PID1: variants seen among roughly 807,000 people sequenced by gnomAD.
PID1 encodes PTB-containing, cubilin and LRP1-interacting protein.
PID1 carries 10 observed loss-of-function variants against 19.1 expected under a neutral mutation model. The ratio of observed to expected loss-of-function variants is 0.52; its 90% CI spans 0.32 to 0.89. The LOEUF is 0.89. PID1 is among the 40% of genes least tolerant of loss of function. The pLI is 0.03. For missense variants in PID1, 248 were observed against 285.3 expected, an observed-to-expected ratio of 0.87 and a Z score of 0.94; for synonymous variants, 130 against 116.0, an observed-to-expected ratio of 1.12 and a Z score of -0.78.
At chr2:229,127,048 G>A (rs1468889002) in intron 2 of PID1, among the ~76,000 whole-genome samples, 2 of 152,162 alleles carry the variant, frequency 1.3e-5, no homozygotes, top group African/African-American at 2.4e-5. Flanking sequence ...GAGAATAAAA[G>A]GCCATCAGCA....
At chr2:229,220,207 CA>C in intron 1 of PID1, among the ~76,000 whole-genome samples, 1 of 152,094 alleles carries the variant, frequency 6.6e-6, no homozygotes, top group African/African-American at 2.4e-5. Flanking sequence ...TTTGTATAGA[CA>C]GAGTCTTACT....
chr2:229,153,950 T>A (rs1690312205), intron 2 of PID1, among the ~76,000 whole-genome samples: 1 of 152,196 alleles, frequency 6.6e-6, no homozygotes, highest in African/African-American at 2.4e-5. Flanking sequence ...ATAGCATTAA[T>A]AAATCTCCTG....
chr2:229,070,599 G>A (rs1694431729), intron 2 of PID1, among the ~76,000 whole-genome samples: 1 of 152,172 alleles, frequency 6.6e-6, no homozygotes, highest in African/African-American at 2.4e-5. Context: ...CGGTTCCAAT[G>A]TTGAGAATGA....
chr2:229,218,818 G>A (rs1260305352), intron 1 of PID1, among the ~76,000 whole-genome samples: 1 of 152,096 alleles, frequency 6.6e-6, no homozygotes, highest in Admixed American at 6.5e-5. Flanking sequence ...AGGGATGCAG[G>A]CAAACAAGCC....
intron 2 of PID1, among the ~76,000 whole-genome samples, chr2:229,148,984 ACT>A (rs1243407830): frequency 4.6e-5 from 7 of 151,128 alleles, no homozygotes; most frequent in African/African-American, 1.7e-4. Flanking sequence ...AATATCAATG[ACT>A]CTGAATTTAG....
intron 2 of PID1, among the ~76,000 whole-genome samples, chr2:229,086,814 G>A (rs1350732856): frequency 6.6e-6 from 1 of 152,096 alleles, no homozygotes; most frequent in African/African-American, 2.4e-5. Context: ...CAGCAATGCC[G>A]TCTTTCAGTA....
intron 2 of PID1, among the ~76,000 whole-genome samples, chr2:229,058,789 C>CTGATTGTAAGGACA (rs1170344507): frequency 6.7e-6 from 1 of 149,274 alleles, no homozygotes; most frequent in Non-Finnish European, 1.5e-5. Flanking sequence ...TTCCCTACCA[C>CTGATTGTAAGGACA]TGATTGTAAC....
chr2:229,157,193 G>A (rs1690390588), intron 1 of PID1, among the ~76,000 whole-genome samples: 1 of 152,146 alleles, frequency 6.6e-6, no homozygotes, highest in South Asian at 2.1e-4. Flanking sequence ...AAAGTGGGAG[G>A]CCAAGGAAAG....
intron 2 of PID1, among the ~76,000 whole-genome samples, chr2:229,028,385 C>T (rs1693471572): frequency 6.6e-6 from 1 of 152,204 alleles, no homozygotes; most frequent in Admixed American, 6.5e-5. Context: ...ACTATCTCAG[C>T]CACTCATGTG....
At chr2:229,128,802 G>C (rs1689645222) in intron 2 of PID1, among the ~76,000 whole-genome samples, 1 of 152,110 alleles carries the variant, frequency 6.6e-6, no homozygotes, top group Non-Finnish European at 1.5e-5. Flanking sequence ...TAAAAAAATA[G>C]AAAGAGTAAA....
intron 1 of PID1, among the ~76,000 whole-genome samples, chr2:229,194,888 G>A (rs1287840022): frequency 2.0e-5 from 3 of 147,552 alleles, no homozygotes; most frequent in Admixed American, 6.9e-5. Flanking sequence ...ACACACACCC[G>A]AAAAAAGCTC....
In PID1 at chr2:229,205,339, G is replaced by A. The variant is rs111841186; in HGVS notation, c.31-49375C>T. ...TCTTTCCATCTGTATATGTGTACAT[G>A]TATGAATCACTAAGTAATCTTGATT... On this transcript the variant is annotated intron_variant, in intron 1 of 2. Transcript: ENST00000392055. 3.5e-3 allele frequency among the ~76,000 whole-genome samples: 536 copies of A among 152,042 alleles called. 3 individuals carry two copies. The highest frequency in any genetic ancestry group is 0.012 in the African/African-American group (502 of 41,492).
At chr2:229,097,214 A>G (rs1694988898) in intron 2 of PID1, among the ~76,000 whole-genome samples, 1 of 152,192 alleles carries the variant, frequency 6.6e-6, no homozygotes, top group Admixed American at 6.6e-5. Context: ...AAATTGAAGA[A>G]GTCACACTTG....
At chr2:229,143,737 G>A (rs1010031494) in intron 2 of PID1, among the ~76,000 whole-genome samples, 18 of 152,154 alleles carry the variant, frequency 1.2e-4, no homozygotes, top group Middle Eastern at 3.4e-3. Context: ...TACTGTTCTC[G>A]TGATAGTGAG....
At chr2:229,134,535 C>G (rs1045389995) in intron 2 of PID1, among the ~76,000 whole-genome samples, 1 of 152,000 alleles carries the variant, frequency 6.6e-6, no homozygotes, top group South Asian at 2.1e-4. Flanking sequence ...AGCCACCACA[C>G]CTGGCCACTG....
At chr2:229,082,813 A>G (rs1276739555) in intron 2 of PID1, among the ~76,000 whole-genome samples, 2 of 152,196 alleles carry the variant, frequency 1.3e-5, no homozygotes, top group Non-Finnish European at 2.9e-5. Flanking sequence ...CAGATTTTTA[A>G]GGCCCTAAGC....
At chr2:229,168,475 C>G (rs1197694344) in intron 1 of PID1, among the ~76,000 whole-genome samples, 1 of 152,110 alleles carries the variant, frequency 6.6e-6, no homozygotes, top group Non-Finnish European at 1.5e-5. Flanking sequence ...CCTTCTTCAT[C>G]CCTTTTACTT....
chr2:229,208,956 TG>T (rs1005496689), intron 1 of PID1, among the ~76,000 whole-genome samples: 1 of 150,336 alleles, frequency 6.7e-6, no homozygotes, highest in African/African-American at 2.5e-5. Flanking sequence ...AGAGTAAGAG[TG>T]GGGGGTGACA....
At chr2:229,168,543 T>C (rs1574686226) in intron 1 of PID1, among the ~76,000 whole-genome samples, 1 of 152,184 alleles carries the variant, frequency 6.6e-6, no homozygotes, top group Non-Finnish European at 1.5e-5. Flanking sequence ...TCTGACTGTT[T>C]CTTACATGGT....
Sources: allele counts gnomAD v4.1 joint callset (sites outside exome capture counted in the v4.1 genomes callset), GRCh38; gene constraint gnomAD v4.1.1; transcripts MANE v1.5; gene names NCBI Gene and HGNC (gene_info 2026-07-23, HGNC 2026-07-21).